Variants in AKIRIN2 observed in about 807,000 individuals in gnomAD.
AKIRIN2 encodes the protein akirin-2.
In AKIRIN2, 6 loss-of-function variants were observed where a neutral mutation model predicts 29.3. The ratio of observed to expected loss-of-function variants is 0.20; its 90% CI spans 0.11 to 0.40. The LOEUF (loss-of-function observed/expected upper bound fraction) is 0.40. AKIRIN2 is among the 10% of genes least tolerant of loss of function. AKIRIN2 has a pLI of 1.00. For synonymous variants in AKIRIN2, 128 were observed against 117.5 expected (o/e 1.09, Z -0.58); for missense variants, 210 against 276.1 (o/e 0.76, Z 1.70).
At position 87,702,218 on chromosome 6, in the gene AKIRIN2, T is replaced by G. The variant is rs894794251; in HGVS notation, c.-534A>C. On this transcript the variant is annotated 5_prime_UTR_variant, in exon 1 of 5. Transcript: ENST00000257787. ...AGCGAACACGTCCAACCGCTTCCCCTCCCTCGTAGAACTCTCCCACCCGCC... is the reference window on the plus strand; with the variant it reads ...AGCGAACACGTCCAACCGCTTCCCCGCCCTCGTAGAACTCTCCCACCCGCC... 1.5e-5 allele frequency: 6 copies of G among 397,204 alleles called. No individual in the cohort carries two copies. Among genetic ancestry groups the G allele is most frequent in the East Asian group, 1.4e-4 (4 of 28,048 alleles). 24.6% of individuals were successfully genotyped at this position (397,204 alleles called of 1,614,324 possible).
At chr6:87,675,722 A>G (rs911240153) in intron 4 of AKIRIN2, 115 bp from the exon 5 acceptor site, 17 of 1,474,624 alleles carry the variant, frequency 1.2e-5, no homozygotes, top group Admixed American at 3.7e-5. Context: ...AGACTTGCAA[A>G]GTTATGCTGC....
At chr6:87,676,348 C>T (rs1770982864) in intron 3 of AKIRIN2, among the ~76,000 whole-genome samples, 1 of 149,910 alleles carries the variant, frequency 6.7e-6, no homozygotes, top group African/African-American at 2.5e-5. Flanking sequence ...CGCCTGTAGT[C>T]CCAACTACTC....
rs1434519135 is a variant in AKIRIN2, at chr6:87,697,175, T to C, written c.235+4275A>G. Among the ~76,000 whole-genome samples, 6 of 151,442 alleles carry C rather than the reference T, an allele frequency of 4.0e-5. 1 individual carries two copies. The South Asian group carries it at 1.0e-3, about 26-fold the overall frequency. ...AATACAAAACAAAATCAGCCAGGTGTGGTGGCGCACGCCTGTAATCCCAGC... is the reference window on the plus strand; with the variant it reads ...AATACAAAACAAAATCAGCCAGGTGCGGTGGCGCACGCCTGTAATCCCAGC... On this transcript the variant is annotated intron_variant, in intron 1 of 4. Coordinates refer to ENST00000257787, the MANE Select transcript of AKIRIN2 (RefSeq NM_018064.4).
chr6:87,688,833 C>T (rs1047451759), intron 1 of AKIRIN2, among the ~76,000 whole-genome samples: 2 of 152,206 alleles, frequency 1.3e-5, no homozygotes, highest in Admixed American at 1.3e-4. Context: ...GTGCATGCTA[C>T]AGAAACATTT....
chr6:87,690,075 T>C (rs2128302156), intron 1 of AKIRIN2, among the ~76,000 whole-genome samples: 1 of 151,970 alleles, frequency 6.6e-6, no homozygotes, highest in East Asian at 1.9e-4. Flanking sequence ...TAGCTGAGCA[T>C]GGTGGCAGGA....
intron 1 of AKIRIN2, among the ~76,000 whole-genome samples, chr6:87,686,077 T>C (rs1420576414): frequency 1.3e-5 from 2 of 152,018 alleles, no homozygotes; most frequent in Non-Finnish European, 2.9e-5. Context: ...GAGCTGGGTG[T>C]GGTGGCGGGC....
rs750709970 is a variant in AKIRIN2, at chr6:87,675,592, G to A, written c.*5C>T. On this transcript the variant is annotated 3_prime_UTR_variant, in exon 5 of 5. Coordinates refer to ENST00000257787, the MANE Select transcript of AKIRIN2 (RefSeq NM_018064.4). ...AAGGCAGCCCACAAATGCAGGATAC[G>A]TGATTCATGAAACATCTAAAGGGTG... 3.7e-5 allele frequency: 59 copies of A among 1,613,878 alleles called. No individual in the cohort carries two copies. Among genetic ancestry groups the A allele is most frequent in the African/African-American group, 8.0e-5 (6 of 74,900 alleles).
At position 87,701,541 on chromosome 6, in the gene AKIRIN2, G is replaced by C. The variant is rs750287970; in HGVS notation, c.144C>G (p.Ala48=). ...ASPLSAAAAT[A]ASFSAAAASP... ...AGGCGGCCGCAGCGGAGAAGGAGGC[G>C]GCGGTGGCCGCGGCCGCCGACAACG... The change falls in exon 1 of 5, where the codon GCC becomes GCG. Residue 48 remains alanine (A), a synonymous_variant. Transcript: ENST00000257787. 94 of 1,421,466 alleles carry C rather than the reference G, an allele frequency of 6.6e-5. No individual in the cohort carries two copies. Among genetic ancestry groups the C allele is most frequent in the Non-Finnish European group, 8.2e-5 (89 of 1,087,480 alleles). The allele number at this position is 1,421,466 out of a possible 1,614,324, so 88.1% of individuals were successfully genotyped here.
chr6:87,682,139 C>T (rs572504980), intron 1 of AKIRIN2, among the ~76,000 whole-genome samples: 5 of 152,336 alleles, frequency 3.3e-5, no homozygotes, highest in African/African-American at 1.2e-4. Flanking sequence ...GCTTTTCCAA[C>T]TGCCTTTACT....
intron 2 of AKIRIN2, among the ~76,000 whole-genome samples, chr6:87,679,872 T>C (rs537760247): frequency 9.1e-4 from 138 of 152,360 alleles, no homozygotes; most frequent in African/African-American, 3.1e-3. Context: ...TCGTTACCAA[T>C]TGTTTCTTCA....
At chr6:87,697,914 T>C (rs537863243) in intron 1 of AKIRIN2, among the ~76,000 whole-genome samples, 1 of 152,220 alleles carries the variant, frequency 6.6e-6, no homozygotes, top group African/African-American at 2.4e-5. Context: ...CAGAAGGGTA[T>C]CTTCAGACCA....
At chr6:87,698,608 G>A (rs1001237329) in intron 1 of AKIRIN2, among the ~76,000 whole-genome samples, 3 of 152,134 alleles carry the variant, frequency 2.0e-5, no homozygotes, top group Non-Finnish European at 4.4e-5. Flanking sequence ...GTAACACTTA[G>A]GTGTCCTAAA....
At chr6:87,679,886 C>T (rs1463534406) in intron 2 of AKIRIN2, among the ~76,000 whole-genome samples, 1 of 152,196 alleles carries the variant, frequency 6.6e-6, no homozygotes, top group Non-Finnish European at 1.5e-5. Flanking sequence ...TTCTTCATCT[C>T]GCTCTGTGAA....
At chr6:87,686,273 C>T (rs1021271811) in intron 1 of AKIRIN2, among the ~76,000 whole-genome samples, 3 of 151,974 alleles carry the variant, frequency 2.0e-5, no homozygotes, top group African/African-American at 7.3e-5. Flanking sequence ...TTAGTTGCCA[C>T]TGATTACTTA....
rs376830344 is a variant in AKIRIN2, at chr6:87,701,581, G to C, written c.104C>G (p.Ser35Trp). The part of the protein sequence containing the change: ...RRCAPLSAPT[S>W]AAASPLSAAA... ...CGCCGACAACGGGGAGGCAGCGGCC[G>C]AGGTGGGCGCCGACAATGGCGCACA... Residue 35 changes from serine (S) to tryptophan (W), a missense_variant, in exon 1 of 5, where the codon TCG becomes TGG. Physicochemically the swap from Ser to Trp is radical, Grantham distance 177. Around this residue, in one of 2 missense-constraint regions of AKIRIN2, gnomAD observed 199 missense variants for 236.5 expected, o/e 0.84. Transcript: ENST00000257787. 6.3e-6 allele frequency: 9 copies of C among 1,424,936 alleles called. No homozygotes were observed. The highest frequency in any genetic ancestry group is 8.2e-6 in the Non-Finnish European group (9 of 1,091,794). 88.3% of individuals were successfully genotyped at this position (1,424,936 alleles called of 1,614,324 possible).
intron 1 of AKIRIN2, among the ~76,000 whole-genome samples, chr6:87,701,212 A>G (rs1771457943): frequency 1.3e-5 from 2 of 152,100 alleles, no homozygotes; most frequent in Admixed American, 1.3e-4. Flanking sequence ...CAATACGGGC[A>G]AGGCAAAGCC....
chr6:87,687,894 G>A (rs568710157), intron 1 of AKIRIN2, among the ~76,000 whole-genome samples: 12 of 152,286 alleles, frequency 7.9e-5, no homozygotes, highest in South Asian at 2.1e-4. Flanking sequence ...ATGCAAGGCC[G>A]AGGCAGGAGG....
intron 1 of AKIRIN2, among the ~76,000 whole-genome samples, chr6:87,688,347 G>C (rs1412985389): frequency 6.6e-6 from 1 of 151,924 alleles, no homozygotes; most frequent in Non-Finnish European, 1.5e-5. Context: ...GGCCAGGCTC[G>C]TCTCAAATTC....
chr6:87,675,332 T>C lies in AKIRIN2; in HGVS notation c.*265A>G. 1.9e-6 allele frequency: 1 copy of C among 514,976 alleles called. No homozygotes were observed. Among genetic ancestry groups the C allele is most frequent in the Non-Finnish European group, 3.5e-6 (1 of 287,748 alleles). 31.9% of individuals were successfully genotyped at this position (514,976 alleles called of 1,614,324 possible). A position where few individuals can be genotyped will look rare whatever the true frequency, so the allele number is the denominator to read the frequency against. The stretch of plus-strand genomic sequence containing the variant: ...ACCAGCTTTAATCCTTTTCAAACAT[T>C]AATATAAGAAGCCAAATTGTAATGA... On this transcript the variant is annotated 3_prime_UTR_variant, in exon 5 of 5. Coordinates refer to ENST00000257787, the MANE Select transcript of AKIRIN2 (RefSeq NM_018064.4).
Sources: allele counts gnomAD v4.1 joint callset (sites outside exome capture counted in the v4.1 genomes callset), GRCh38; gene constraint gnomAD v4.1.1; regional missense constraint gnomAD v4.1.1; transcripts MANE v1.5; gene names NCBI Gene and HGNC (gene_info 2026-07-23, HGNC 2026-07-21).